VMP1: variants seen among roughly 807,000 people sequenced by gnomAD.
The protein encoded by VMP1 is vacuole membrane protein 1.
VMP1 carries 11 observed loss-of-function variants against 56.0 expected under a neutral mutation model. That is an observed-to-expected ratio of 0.20 (90% confidence interval 0.12 to 0.32). The LOEUF is 0.32. Among genes scored for constraint, VMP1 ranks in the 10% least tolerant of loss-of-function variants. The pLI is 1.00. For synonymous variants in VMP1, 149 were observed against 165.0 expected, an observed-to-expected ratio of 0.90 and a Z score of 0.74; for missense variants, 296 against 490.3, an observed-to-expected ratio of 0.60 and a Z score of 3.74.
intron 5 of VMP1, among the ~76,000 whole-genome samples, chr17:59,757,886 A>T (rs1472438818): frequency 2.9e-4 from 8 of 27,842 alleles, no homozygotes; most frequent in African/African-American, 7.2e-4. Flanking sequence ...TTTTTTTTTA[A>T]GACAGGGTCT....
Position 59,736,731 on chromosome 17 carries a change from A to AAG in VMP1, c.213-720_213-719dup, listed in dbSNP as rs569769879. On this transcript the variant is annotated intron_variant, in intron 3 of 11. Coordinates refer to ENST00000262291, the MANE Select transcript of VMP1 (RefSeq NM_030938.5). ...TGCACTCCAGCCTGGGTGACAGAGC[A>AAG]AGACCCTGTCTCTGAAAAAAAGAAA... Among the ~76,000 whole-genome samples, 167 of 151,042 alleles carry AAG rather than the reference A, an allele frequency of 1.1e-3. 1 individual carries two copies. The highest frequency in any genetic ancestry group is 3.8e-3 in the African/African-American group (158 of 41,126).
chr17:59,798,404 A>G (rs1267600260), intron 7 of VMP1, among the ~76,000 whole-genome samples: 2 of 152,258 alleles, frequency 1.3e-5, no homozygotes, highest in Non-Finnish European at 2.9e-5. Context: ...CATGAGACCT[A>G]CTACAGTCAC....
At chr17:59,742,803 A>T (rs1489887900) in intron 5 of VMP1, among the ~76,000 whole-genome samples, 1 of 152,148 alleles carries the variant, frequency 6.6e-6, no homozygotes, top group Non-Finnish European at 1.5e-5. Context: ...TTAGATCAGC[A>T]GCAGCATCAG....
intron 7 of VMP1, among the ~76,000 whole-genome samples, chr17:59,801,170 T>C (rs1471839359): frequency 1.3e-5 from 2 of 149,264 alleles, no homozygotes; most frequent in Non-Finnish European, 3.0e-5. Context: ...CAGTTATATA[T>C]AGTACATAAT....
At chr17:59,744,973 C>T (rs529485672) in intron 5 of VMP1, among the ~76,000 whole-genome samples, 81 of 152,154 alleles carry the variant, frequency 5.3e-4, no homozygotes, top group African/African-American at 1.9e-3. Context: ...AATCAGTTTG[C>T]AAGAGGTTAA....
In VMP1 at chr17:59,840,072, T is replaced by C; in HGVS notation, c.*161T>C. ...GTCCATACTTTGCACTGACATACTT[T>C]TTCCTTCTGTGCTAAGGTAAGGTAT... On this transcript the variant is annotated 3_prime_UTR_variant, in exon 12 of 12. Coordinates refer to ENST00000262291, the MANE Select transcript of VMP1 (RefSeq NM_030938.5). 5.8e-6 allele frequency: 5 copies of C among 856,920 alleles called. No individual in the cohort carries two copies. Among genetic ancestry groups the C allele is most frequent in the Non-Finnish European group, 8.7e-6 (5 of 573,918 alleles). The allele number at this position is 856,920 out of a possible 1,614,324, so 53.1% of individuals were successfully genotyped here.
chr17:59,835,851 C>T (rs527704877), intron 10 of VMP1, among the ~76,000 whole-genome samples: 3 of 148,336 alleles, frequency 2.0e-5, no homozygotes, highest in African/African-American at 7.3e-5. Context: ...CACAAAAATA[C>T]ATATATTTAA....
At chr17:59,804,395 C>T (rs939709709) in intron 7 of VMP1, among the ~76,000 whole-genome samples, 45 of 152,044 alleles carry the variant, frequency 3.0e-4, no homozygotes, top group Admixed American at 8.5e-4. Context: ...GGGTGGATCG[C>T]CTAAGCTCAG....
chr17:59,817,001 G>T (rs1466497547), intron 9 of VMP1, among the ~76,000 whole-genome samples: 1 of 149,912 alleles, frequency 6.7e-6, no homozygotes, highest in Non-Finnish European at 1.5e-5. Flanking sequence ...GGGCGCAATG[G>T]CTCATGCCTG....
chr17:59,714,322 AC>A (rs2034064565), intron 1 of VMP1, among the ~76,000 whole-genome samples: 1 of 151,972 alleles, frequency 6.6e-6, no homozygotes, highest in African/African-American at 2.4e-5. Context: ...CCCCATGATA[AC>A]CCATTAATCC....
intron 1 of VMP1, among the ~76,000 whole-genome samples, chr17:59,730,269 ACTTT>A (rs1162721497): frequency 1.3e-5 from 2 of 148,654 alleles, no homozygotes; most frequent in African/African-American, 2.5e-5. Flanking sequence ...ATTTATTTTC[ACTTT>A]CTTTTTTTTT....
At chr17:59,740,742 G>C (rs868428975) in intron 5 of VMP1, among the ~76,000 whole-genome samples, 3 of 152,202 alleles carry the variant, frequency 2.0e-5, no homozygotes, top group Non-Finnish European at 4.4e-5. Flanking sequence ...AGTAGAGGTT[G>C]AGGGAGAGAG....
intron 8 of VMP1, among the ~76,000 whole-genome samples, chr17:59,810,067 T>A (rs1354780502): frequency 2.0e-5 from 3 of 152,204 alleles, no homozygotes; most frequent in Non-Finnish European, 4.4e-5. Flanking sequence ...CAAGTATTAG[T>A]TACAAGGAAG....
At chr17:59,714,968 C>T (rs1456429002) in intron 1 of VMP1, among the ~76,000 whole-genome samples, 2 of 152,154 alleles carry the variant, frequency 1.3e-5, no homozygotes, top group South Asian at 4.1e-4. Flanking sequence ...AAGCATGAAC[C>T]GCTGTGCCTG....
chr17:59,779,034 G>T (rs1308320302), intron 7 of VMP1, among the ~76,000 whole-genome samples: 1 of 152,202 alleles, frequency 6.6e-6, no homozygotes, highest in Non-Finnish European at 1.5e-5. Flanking sequence ...TTCTGAGCAT[G>T]TCTAAGGGAG....
rs536284239 is a variant in VMP1, at chr17:59,824,446, G to A, written c.974+6673G>A. ...AAATTAGCCGGGCGTGGGGGTGGGC[G>A]TCTATAATCCCAGCTACTCGGGAGG... On this transcript the variant is annotated intron_variant, in intron 10 of 11. Transcript: ENST00000262291. Among the ~76,000 whole-genome samples, 13 of 148,956 alleles carry A rather than the reference G, an allele frequency of 8.7e-5. No individual in the cohort carries two copies. The South Asian group carries it at 1.1e-3, about 12-fold the overall frequency.
At chr17:59,720,497 G>A (rs1446486559) in intron 1 of VMP1, among the ~76,000 whole-genome samples, 1 of 152,294 alleles carries the variant, frequency 6.6e-6, no homozygotes, top group East Asian at 1.9e-4. Context: ...TACTAATATG[G>A]AAAGGAAGTA....
intron 9 of VMP1, among the ~76,000 whole-genome samples, chr17:59,812,507 G>A (rs1403045120): frequency 1.3e-5 from 2 of 152,184 alleles, no homozygotes; most frequent in African/African-American, 4.8e-5. Context: ...AAATGGATAT[G>A]TGCTTCTAGA....
At chr17:59,832,518 A>G (rs1326807857) in intron 10 of VMP1, among the ~76,000 whole-genome samples, 2 of 151,936 alleles carry the variant, frequency 1.3e-5, no homozygotes, top group African/African-American at 2.4e-5. Context: ...AAATAGTTCT[A>G]TGTCCATTTG....
Sources: gnomAD v4.1 joint callset for allele counts (sites outside exome capture counted in the v4.1 genomes callset) on GRCh38, gnomAD v4.1.1 for gene constraint, MANE v1.5 for transcripts, NCBI Gene and HGNC (gene_info 2026-07-23, HGNC 2026-07-21) for gene names.